The following TNC variants were observed in gnomAD, a reference collection of about 807,000 sequenced individuals.
The protein encoded by TNC is tenascin.
In TNC, 109 loss-of-function variants were observed where a neutral mutation model predicts 202.4. The ratio of observed to expected loss-of-function variants is 0.54; its 90% CI spans 0.46 to 0.63. The LOEUF (loss-of-function observed/expected upper bound fraction) is 0.63. TNC is among the 30% of genes least tolerant of loss of function. The pLI, the probability that TNC is intolerant of heterozygous loss-of-function variation, is 0.00. For synonymous variants in TNC, 1,007 were observed against 1,089.7 expected (o/e 0.92, Z 1.50); for missense variants, 2,756 against 2,833.3 (o/e 0.97, Z 0.62).
At position 115,081,911 on chromosome 9, in the gene TNC, T is replaced by C; in HGVS notation, c.2265A>G (p.Gly755=). The C allele has an allele frequency of 6.3e-7, 1 of 1,588,586 alleles. No homozygotes were observed. The highest frequency in any genetic ancestry group is 8.5e-7 in the Non-Finnish European group (1 of 1,173,712). Residue 755 remains glycine (G), a synonymous_variant, in exon 6 of 28, where the codon GGA becomes GGG. Transcript: ENST00000350763. ...GCCTCCTCAGGCTTTTGGTGATCTC[T>C]CCCTCATCTTCTTTATTCTGAGAGA... ...IFRNMNKEDE[G]EITKSLRRPE... is the part of the protein sequence containing the mutation.
In TNC at chr9:115,090,719, G is replaced by A; in HGVS notation, c.300C>T (p.Phe100=). ...HTVDGENQIV[F]THRINIPRRA... ...GGCGGGGGATGTTGATGCGATGTGTGAAGACAATCTGGTTTTCCCCATCCA... is the reference window on the plus strand; with the variant it reads ...GGCGGGGGATGTTGATGCGATGTGTAAAGACAATCTGGTTTTCCCCATCCA... The change falls in exon 2 of 28, where the codon TTC becomes TTT. Residue 100 remains phenylalanine (F), a synonymous_variant. Transcript: ENST00000350763. 6.2e-7 allele frequency: 1 copy of A among 1,614,230 alleles called. No homozygotes were observed.
At position 115,087,167 on chromosome 9, in the gene TNC, G is replaced by A. The variant is rs1473526416; in HGVS notation, c.564C>T (p.Pro188=). Residue 188 remains proline (P), a synonymous_variant, in exon 3 of 28, where the codon CCC becomes CCT. Transcript: ENST00000350763. ...GAAGGTGACAGTTGCCTGGACATTC[G>A]GGCTCAGAGCAGTTGGGGCCTTTCC... The part of the protein sequence containing the change: ...PGWKGPNCSE[P]ECPGNCHLRG... The A allele has an allele frequency of 1.9e-6, 3 of 1,614,192 alleles. No individual in the cohort carries two copies. The highest frequency in any genetic ancestry group is 1.7e-5 in the Admixed American group (1 of 60,028).
At chr9:115,048,564 G>A in intron 15 of TNC, 32 bp from the exon 16 acceptor site, 1 of 1,593,450 alleles carries the variant, frequency 6.3e-7, no homozygotes, top group Non-Finnish European at 8.5e-7. Context: ...AATAACTCAG[G>A]TTAGCAGCAC....
chr9:115,086,430 C>T lies in TNC; in HGVS notation c.1301G>A (p.Cys434Tyr). The T allele has an allele frequency of 1.2e-6, 2 of 1,614,050 alleles. No homozygotes were observed. Among genetic ancestry groups the T allele is most frequent in the South Asian group, 2.2e-5 (2 of 91,088 alleles). The change falls in exon 3 of 28, where the codon TGC (cysteine) becomes TAC (tyrosine). Residue 434 changes from cysteine to tyrosine, a missense_variant. Physicochemically the swap from Cys to Tyr is radical, Grantham distance 194 (BLOSUM62 -2). Around this residue, in one of 2 missense-constraint regions of TNC, gnomAD observed 2,559 missense variants for 2,546.0 expected, o/e 1.01. Transcript: ENST00000350763. ...VCDEGYTGED[C>Y]SQLRCPNDCH... ...GTCATTGGGGCACCGTAGCTGGCTG[C>T]AGTCCTCCCCAGTATAGCCCTCATC...
chr9:115,042,138 T>C, intron 18 of TNC, 81 bp downstream of exon 18: 1 of 1,538,244 alleles, frequency 6.5e-7, no homozygotes, highest in South Asian at 1.2e-5. Context: ...TGTTAGAGGA[T>C]GAAAATTATC....
intron 2 of TNC, among the ~76,000 whole-genome samples, chr9:115,089,312 C>A (rs1254545731): frequency 1.3e-5 from 2 of 152,094 alleles, no homozygotes; most frequent in African/African-American, 2.4e-5. Flanking sequence ...ATTTTCAGCT[C>A]TGATTTGAAG....
rs773686426 is a variant in TNC at position 115,040,932 on chromosome 9, C to A, written c.5392+9G>T. ...ACACACACACACACACACAACCCCA[C>A]CAACTCACCTGTGGTGAATGACCCT... is the stretch of plus-strand genomic sequence containing the variant. On this transcript the variant is annotated intron_variant, in intron 19 of 27. Transcript: ENST00000350763. The A allele has an allele frequency of 1.2e-6, 2 of 1,609,334 alleles. No homozygotes were observed. The highest frequency in any genetic ancestry group is 3.4e-5 in the Admixed American group (2 of 59,618).
chr9:115,052,048 A>C (rs552555245), intron 15 of TNC, among the ~76,000 whole-genome samples: 2 of 149,812 alleles, frequency 1.3e-5, no homozygotes, highest in South Asian at 4.2e-4. Context: ...TTTATATATA[A>C]ATATATACAT....
intron 21 of TNC, chr9:115,035,824 G>A (rs2131808547): frequency 4.9e-6 from 2 of 408,716 alleles, no homozygotes; most frequent in South Asian, 1.2e-4. Flanking sequence ...TAGGTTTAGG[G>A]CCAGTGGGAA....
intron 14 of TNC, 77 bp downstream of exon 14, chr9:115,059,653 T>C: frequency 7.0e-7 from 1 of 1,438,098 alleles, no homozygotes; most frequent in Non-Finnish European, 9.4e-7. Flanking sequence ...TATGGCGAGA[T>C]GCTGACTCCG....
chr9:115,084,995 A>G (rs1249438475), intron 3 of TNC, among the ~76,000 whole-genome samples: 1 of 152,174 alleles, frequency 6.6e-6, no homozygotes, highest in African/African-American at 2.4e-5. Context: ...TGCTTGCGCC[A>G]CATTGAACAC....
intron 15 of TNC, among the ~76,000 whole-genome samples, chr9:115,050,085 C>T (rs969117595): frequency 2.0e-5 from 3 of 152,088 alleles, no homozygotes; most frequent in African/African-American, 4.8e-5. Context: ...ACAAGGGTCT[C>T]GAATTCTGTT....
At chr9:115,111,632 A>C (rs903162205) in intron 1 of TNC, among the ~76,000 whole-genome samples, 1 of 151,770 alleles carries the variant, frequency 6.6e-6, no homozygotes, top group African/African-American at 2.4e-5. Flanking sequence ...GCTGGTCTCG[A>C]ACTCCTAACC....
At chr9:115,110,754 G>C (rs532284325) in intron 1 of TNC, among the ~76,000 whole-genome samples, 45 of 152,292 alleles carry the variant, frequency 3.0e-4, no homozygotes, top group African/African-American at 9.6e-4. Context: ...GCCCCTCCCT[G>C]GGGTGAAATT....
rs1832398238 is a variant in TNC, at chr9:115,059,731, T to A, written c.4305A>T (p.Thr1435=). 6 of 1,584,554 alleles carry A rather than the reference T, an allele frequency of 3.8e-6. No homozygotes were observed. The highest frequency in any genetic ancestry group is 5.2e-6 in the Non-Finnish European group (6 of 1,163,660). The change falls in exon 14 of 28, where the codon ACA becomes ACT. Residue 1435 remains threonine, a splice_region_variant and synonymous_variant. Coordinates refer to ENST00000350763, the MANE Select transcript of TNC (RefSeq NM_002160.4). The stretch of plus-strand genomic sequence containing the variant: ...AGCATTGACAGGGAGAGGAAGTACC[T>A]GTGGAGGCCTCAGCAGAGAGTACTG... ...RTPVLSAEAS[T]AKEPEIGNLN... is the part of the protein sequence containing the mutation.
chr9:115,060,153 G>C (rs143063564), intron 13 of TNC, 151 bp from the exon 14 acceptor site: 1 of 857,304 alleles, frequency 1.2e-6, no homozygotes, highest in African/African-American at 1.7e-5. Context: ...TTTGAACTGT[G>C]GTTCCCTGGC....
intron 18 of TNC, among the ~76,000 whole-genome samples, chr9:115,041,285 T>C (rs1473029820): frequency 7.9e-6 from 1 of 126,254 alleles, no homozygotes; most frequent in South Asian, 2.5e-4. Flanking sequence ...TTGGTGCAGA[T>C]GCCAAAAACA....
chr9:115,081,165 T>A (rs1264015092), intron 6 of TNC, among the ~76,000 whole-genome samples: 1 of 152,234 alleles, frequency 6.6e-6, no homozygotes, highest in African/African-American at 2.4e-5. Flanking sequence ...AACTATGGGA[T>A]GTTAAAGTGA....
rs146404628 is a variant in TNC, at chr9:115,027,938, G to A, written c.6170-1243C>T. On this transcript the variant is annotated intron_variant, in intron 25 of 27. Coordinates refer to ENST00000350763, the MANE Select transcript of TNC (RefSeq NM_002160.4). ...ACCTGGTGACCATCAAGTAGGACTCGGAGACAAAAACCCCTTAACTGAGGG... is the reference window on the plus strand; with the variant it reads ...ACCTGGTGACCATCAAGTAGGACTCAGAGACAAAAACCCCTTAACTGAGGG... Among the ~76,000 whole-genome samples, 415 of 152,154 alleles carry A rather than the reference G, an allele frequency of 2.7e-3. 1 individual carries two copies. The highest frequency in any genetic ancestry group is 9.5e-3 in the African/African-American group (396 of 41,506).
Sources: allele counts gnomAD v4.1 joint callset (sites outside exome capture counted in the v4.1 genomes callset), GRCh38; gene constraint gnomAD v4.1.1; regional missense constraint gnomAD v4.1.1; transcripts MANE v1.5; gene names NCBI Gene and HGNC (gene_info 2026-07-23, HGNC 2026-07-21).